Variants in COMMD10 observed in about 807,000 individuals in gnomAD.
The protein encoded by COMMD10 is COMM domain containing 10, also known as COMM domain-containing protein 10.
A neutral mutation model predicts 28.9 loss-of-function variants in COMMD10; 33 were observed. That is an observed-to-expected ratio of 1.14 (90% confidence interval 0.87 to 1.53). The LOEUF (loss-of-function observed/expected upper bound fraction) is 1.53, where lower values mean the gene tolerates loss of function less well. Ranked by LOEUF, COMMD10 falls within the 40% of genes most tolerant of loss-of-function variation. The probability of loss-of-function intolerance (pLI) is 0.00; values close to 1 mark genes in which losing one functional copy is unlikely to be tolerated. For missense variants in COMMD10, 310 were observed against 233.4 expected, an observed-to-expected ratio of 1.33 and a Z score of -2.14; for synonymous variants, 110 against 81.7, an observed-to-expected ratio of 1.35 and a Z score of -1.87.
At chr5:116,120,411 C>T (rs11241363) in intron 4 of COMMD10, among the ~76,000 whole-genome samples, 2 of 151,934 alleles carry the variant, frequency 1.3e-5, no homozygotes, top group African/African-American at 4.8e-5. Flanking sequence ...TACACTGCTT[C>T]GGTGACGGTT....
chr5:116,175,073 G>C (rs1429331777), intron 5 of COMMD10, among the ~76,000 whole-genome samples: 1 of 152,018 alleles, frequency 6.6e-6, no homozygotes, highest in Admixed American at 6.6e-5. Context: ...CTTCCTGAAT[G>C]TCTTTCTAAA....
At chr5:116,267,946 A>G (rs548026345) in intron 5 of COMMD10, among the ~76,000 whole-genome samples, 11 of 151,896 alleles carry the variant, frequency 7.2e-5, no homozygotes, top group South Asian at 4.1e-4. Flanking sequence ...ACAAAAATTA[A>G]TTCGAGATGG....
At chr5:116,099,190 T>TA (rs1334416602) in intron 4 of COMMD10, among the ~76,000 whole-genome samples, 2 of 152,228 alleles carry the variant, frequency 1.3e-5, no homozygotes, top group Non-Finnish European at 2.9e-5. Flanking sequence ...GTTAAACTTT[T>TA]AGAGTATGCG....
At chr5:116,213,087 T>C (rs1462037319) in intron 5 of COMMD10, among the ~76,000 whole-genome samples, 1 of 152,104 alleles carries the variant, frequency 6.6e-6, no homozygotes, top group Non-Finnish European at 1.5e-5. Flanking sequence ...TGGTTTGTCA[T>C]ATTTTATTGG....
chr5:116,224,637 A>G (rs1223031880), intron 5 of COMMD10, among the ~76,000 whole-genome samples: 4 of 152,118 alleles, frequency 2.6e-5, no homozygotes, highest in Non-Finnish European at 4.4e-5. Flanking sequence ...TATTGTGAGG[A>G]CAGCACCAAG....
chr5:116,283,351 C>CTT (rs535692272), intron 5 of COMMD10, among the ~76,000 whole-genome samples: 5 of 145,322 alleles, frequency 3.4e-5, no homozygotes, highest in African/African-American at 1.0e-4. Context: ...AAAATAACAA[C>CTT]TTTTTTTTTT....
intron 4 of COMMD10, among the ~76,000 whole-genome samples, chr5:116,112,714 T>A (rs968502076): frequency 2.0e-5 from 3 of 152,194 alleles, no homozygotes; most frequent in Non-Finnish European, 4.4e-5. Flanking sequence ...TTTTTTTTAT[T>A]CATTTAGCCA....
chr5:116,245,242 C>G (rs958713860), intron 5 of COMMD10, among the ~76,000 whole-genome samples: 4 of 152,046 alleles, frequency 2.6e-5, no homozygotes, highest in Non-Finnish European at 4.4e-5. Context: ...ACTAGAACAT[C>G]TAGAAGCAAT....
At chr5:116,200,253 C>T (rs1266748731) in intron 5 of COMMD10, among the ~76,000 whole-genome samples, 1 of 151,968 alleles carries the variant, frequency 6.6e-6, no homozygotes, top group Non-Finnish European at 1.5e-5. Flanking sequence ...ATCACTCCAC[C>T]CTTTTTGCTT....
chr5:116,231,234 G>T (rs549318994), intron 5 of COMMD10, among the ~76,000 whole-genome samples: 3 of 151,914 alleles, frequency 2.0e-5, no homozygotes, highest in East Asian at 1.9e-4. Context: ...ATTAATCCAG[G>T]GATATCTTGT....
At chr5:116,257,087 A>C (rs1415665276) in intron 5 of COMMD10, among the ~76,000 whole-genome samples, 1 of 151,752 alleles carries the variant, frequency 6.6e-6, no homozygotes, top group Non-Finnish European at 1.5e-5. Context: ...TTTAGGTAAG[A>C]AGAAATATTG....
intron 5 of COMMD10, among the ~76,000 whole-genome samples, chr5:116,220,997 G>T (rs956569411): frequency 6.6e-6 from 1 of 151,696 alleles, no homozygotes; most frequent in African/African-American, 2.4e-5. Flanking sequence ...CAATCACAAA[G>T]ACCTTAGATT....
intron 5 of COMMD10, among the ~76,000 whole-genome samples, chr5:116,289,596 TC>T (rs1163349786): frequency 6.6e-6 from 1 of 151,826 alleles, no homozygotes; most frequent in Non-Finnish European, 1.5e-5. Context: ...TCCTTGGGAA[TC>T]CCCCAGAAAG....
At chr5:116,253,365 G>C (rs1396142017) in intron 5 of COMMD10, among the ~76,000 whole-genome samples, 1 of 148,696 alleles carries the variant, frequency 6.7e-6, no homozygotes, top group Non-Finnish European at 1.5e-5. Flanking sequence ...GGGCATCCCT[G>C]TCTTGTGCTA....
At chr5:116,211,643 G>A (rs530426332) in intron 5 of COMMD10, among the ~76,000 whole-genome samples, 3 of 151,908 alleles carry the variant, frequency 2.0e-5, no homozygotes, top group East Asian at 1.9e-4. Context: ...TTCTAGTAAC[G>A]CTCAAATAAC....
chr5:116,224,457 A>G (rs1749341479), intron 5 of COMMD10, among the ~76,000 whole-genome samples: 1 of 152,190 alleles, frequency 6.6e-6, no homozygotes, highest in African/African-American at 2.4e-5. Flanking sequence ...CAGGAAGTGT[A>G]GTGCTCTCAT....
chr5:116,257,369 G>C (rs1750316699), intron 5 of COMMD10, among the ~76,000 whole-genome samples: 2 of 151,668 alleles, frequency 1.3e-5, no homozygotes, highest in Admixed American at 1.3e-4. Flanking sequence ...TAAAAGATGG[G>C]CTGCTTCTGT....
chr5:116,272,378 C>A (rs1750783987), intron 5 of COMMD10, among the ~76,000 whole-genome samples: 1 of 151,880 alleles, frequency 6.6e-6, no homozygotes, highest in African/African-American at 2.4e-5. Context: ...TGAGCAGGAG[C>A]TTTGTCGTAG....
intron 5 of COMMD10, chr5:116,217,998 C>T: frequency 3.1e-6 from 3 of 965,534 alleles, no homozygotes; most frequent in Non-Finnish European, 1.7e-6. Flanking sequence ...ACCAGAAGTA[C>T]ACAGTTATCA....
Sources: gnomAD v4.1 joint callset for allele counts (sites outside exome capture counted in the v4.1 genomes callset) on GRCh38, gnomAD v4.1.1 for gene constraint, MANE v1.5 for transcripts, NCBI Gene and HGNC (gene_info 2026-07-23, HGNC 2026-07-21) for gene names.